SAMD12: variants seen among roughly 807,000 people sequenced by gnomAD.
The protein encoded by SAMD12 is sterile alpha motif domain containing 12.
SAMD12 carries 9 observed loss-of-function variants against 15.0 expected under a neutral mutation model. The observed-to-expected ratio is 0.60, with a 90% confidence interval of 0.36 to 1.05. SAMD12 has a LOEUF of 1.05. Ranked by LOEUF, SAMD12 falls within the 50% of genes least tolerant of loss-of-function variation. The pLI is 0.01. For missense variants in SAMD12, 230 were observed against 234.2 expected, an observed-to-expected ratio of 0.98 and a Z score of 0.12; for synonymous variants, 86 against 90.1, an observed-to-expected ratio of 0.96 and a Z score of 0.25.
intron 2 of SAMD12, among the ~76,000 whole-genome samples, chr8:118,456,410 C>T (rs985416278): frequency 6.6e-6 from 1 of 152,204 alleles, no homozygotes; most frequent in Non-Finnish European, 1.5e-5. Context: ...TATTTTCCTA[C>T]ACCTATTTAC....
At chr8:118,356,785 C>CT (rs1207651246) in intron 4 of SAMD12, among the ~76,000 whole-genome samples, 1 of 152,212 alleles carries the variant, frequency 6.6e-6, no homozygotes, top group Non-Finnish European at 1.5e-5. Flanking sequence ...GGACAACTCT[C>CT]TGCTTCATGC....
intron 4 of SAMD12, among the ~76,000 whole-genome samples, chr8:118,265,403 T>C (rs898572837): frequency 6.6e-6 from 1 of 152,096 alleles, no homozygotes; most frequent in South Asian, 2.1e-4. Context: ...AAGTTGAGGA[T>C]GGAAATTCAG....
intron 4 of SAMD12, among the ~76,000 whole-genome samples, chr8:118,219,736 G>A (rs951991044): frequency 1.3e-5 from 2 of 152,174 alleles, no homozygotes; most frequent in African/African-American, 4.8e-5. Flanking sequence ...GCTGAGCCAG[G>A]TCTTGCAGCC....
At chr8:118,301,479 A>T (rs536961555) in intron 4 of SAMD12, among the ~76,000 whole-genome samples, 2 of 152,348 alleles carry the variant, frequency 1.3e-5, no homozygotes, top group African/African-American at 4.8e-5. Context: ...GAATGCCAGG[A>T]TGAATCACTA....
intron 3 of SAMD12, among the ~76,000 whole-genome samples, chr8:118,434,530 C>T (rs1011722052): frequency 4.6e-5 from 7 of 152,098 alleles, no homozygotes; most frequent in East Asian, 1.9e-4. Flanking sequence ...TGAAGCCAAA[C>T]GAGGTGAAGT....
At chr8:118,447,608 T>A (rs1226195207) in intron 2 of SAMD12, among the ~76,000 whole-genome samples, 1 of 149,984 alleles carries the variant, frequency 6.7e-6, no homozygotes, top group Non-Finnish European at 1.5e-5. Flanking sequence ...CAGCCTTCAA[T>A]TGAAATCTTT....
In SAMD12 at chr8:118,382,168, C is replaced by T. The variant is rs1248772790; in HGVS notation, c.323-2468G>A. ...ACTTATAAATACTGCATAAAACACT[C>T]CCTGAAGCTCCGATGATCTTAATCC... is the stretch of plus-strand genomic sequence containing the variant. On this transcript the variant is annotated intron_variant, in intron 3 of 3. Transcript: ENST00000314727. Among the ~76,000 whole-genome samples the T allele has an allele frequency of 8.5e-5, 13 of 152,324 alleles. No individual in the cohort carries two copies. In the South Asian group the frequency reaches 1.7e-3, roughly 19 times the overall value.
intron 3 of SAMD12, among the ~76,000 whole-genome samples, chr8:118,393,370 A>G (rs144548335): frequency 9.1e-4 from 123 of 134,646 alleles, no homozygotes; most frequent in Non-Finnish European, 1.5e-3. Flanking sequence ...TGTTTGTTTT[A>G]TATGTATGTG....
At chr8:118,562,620 T>C (rs576244393) in intron 2 of SAMD12, among the ~76,000 whole-genome samples, 1 of 152,262 alleles carries the variant, frequency 6.6e-6, no homozygotes, top group African/African-American at 2.4e-5. Context: ...TGAAAAAACA[T>C]AACTTATTGT....
intron 4 of SAMD12, among the ~76,000 whole-genome samples, chr8:118,225,080 T>A (rs1187827485): frequency 6.6e-6 from 1 of 152,172 alleles, no homozygotes; most frequent in Non-Finnish European, 1.5e-5. Context: ...AAAGCTTTTG[T>A]TGCATCCTCT....
intron 3 of SAMD12, among the ~76,000 whole-genome samples, chr8:118,432,757 G>A (rs1024739669): frequency 5.3e-5 from 8 of 152,142 alleles, no homozygotes; most frequent in African/African-American, 1.9e-4. Context: ...AAGGTAGAGA[G>A]TATGACATTT....
chr8:118,515,557 A>T (rs1309860453), intron 2 of SAMD12, among the ~76,000 whole-genome samples: 2 of 152,158 alleles, frequency 1.3e-5, no homozygotes. Context: ...GCAAGATAGT[A>T]CAGGGACAAC....
chr8:118,595,161 C>T (rs548411414), intron 1 of SAMD12, among the ~76,000 whole-genome samples: 22 of 152,244 alleles, frequency 1.4e-4, no homozygotes, highest in Non-Finnish European at 2.6e-4. Context: ...ATCCTATGGA[C>T]GTCTTAATCA....
At chr8:118,208,125 T>G (rs977383376) in intron 4 of SAMD12, among the ~76,000 whole-genome samples, 1 of 151,886 alleles carries the variant, frequency 6.6e-6, no homozygotes, top group Non-Finnish European at 1.5e-5. Context: ...GGTGTGGTAG[T>G]GCATGCCTGT....
At chr8:118,175,045 AAACAAAAAAAAC>A in the SAMD12 span, among the ~76,000 whole-genome samples, 1 of 148,806 alleles carries the variant, frequency 6.7e-6, no homozygotes, top group African/African-American at 2.6e-5. Context: ...AAAAAAAAAA[AAACAAAAAAAAC>A]AAACAAAAAC....
intron 4 of SAMD12, among the ~76,000 whole-genome samples, chr8:118,310,634 G>A (rs1302156806): frequency 6.6e-6 from 1 of 152,172 alleles, no homozygotes; most frequent in Non-Finnish European, 1.5e-5. Flanking sequence ...ATTTCCCTAG[G>A]ATTCTCCTGA....
At chr8:118,216,376 AGTAGGTTGCGAAAATTTTCTCCCATTTT>A in intron 4 of SAMD12, among the ~76,000 whole-genome samples, 2 of 151,208 alleles carry the variant, frequency 1.3e-5, no homozygotes, top group Non-Finnish European at 2.9e-5. Flanking sequence ...TTGTCAGATG[AGTAGGTTGCGAAAATTTTCTCCCATTTT>A]GTAGGTTGCC....
chr8:118,436,271 T>C (rs1011850872), intron 3 of SAMD12, among the ~76,000 whole-genome samples: 18 of 152,214 alleles, frequency 1.2e-4, no homozygotes, highest in African/African-American at 4.3e-4. Flanking sequence ...GTCATTAAGC[T>C]AGGCCCTTCA....
intron 2 of SAMD12, among the ~76,000 whole-genome samples, chr8:118,506,770 C>T (rs374031409): frequency 1.3e-4 from 20 of 150,534 alleles, no homozygotes; most frequent in African/African-American, 4.7e-4. Context: ...TTTAACTTAG[C>T]CTCAAACATA....
Sources: allele counts gnomAD v4.1 joint callset (sites outside exome capture counted in the v4.1 genomes callset), GRCh38; gene constraint gnomAD v4.1.1; transcripts MANE v1.5; gene names NCBI Gene and HGNC (gene_info 2026-07-23, HGNC 2026-07-21).